The following ASXL2 variants were observed in gnomAD, a reference collection of about 807,000 sequenced individuals.
ASXL2 encodes ASXL transcriptional regulator 2, also known as putative Polycomb group protein ASXL2.
ASXL2 carries 23 observed loss-of-function variants against 122.0 expected under a neutral mutation model. The observed-to-expected ratio is 0.19, with a 90% CI of 0.14 to 0.27. ASXL2 has a LOEUF of 0.27. Among genes scored for constraint, ASXL2 ranks in the 10% least tolerant of loss-of-function variants. The pLI is 1.00. For synonymous variants in ASXL2, 650 were observed against 637.0 expected, an observed-to-expected ratio of 1.02 and a Z score of -0.31; for missense variants, 1,518 against 1,713.8, an observed-to-expected ratio of 0.89 and a Z score of 2.02.
rs914677713 is a variant in ASXL2 at position 25,799,553 on chromosome 2, C to T, written c.253-18G>A. 5.0e-6 allele frequency: 8 copies of T among 1,602,956 alleles called. No homozygotes were observed. The highest frequency in any genetic ancestry group is 6.8e-6 in the Non-Finnish European group (8 of 1,175,450). ...ACATCTTTCTGAAAATGTAGGCATC[C>T]AATTAGGATTAATCATTACCATTTA... On this transcript the variant is annotated intron_variant, in intron 4 of 12. Coordinates refer to ENST00000435504, the MANE Select transcript of ASXL2 (RefSeq NM_018263.6).
At chr2:25,800,893 A>T (rs2088988837) in intron 4 of ASXL2, among the ~76,000 whole-genome samples, 1 of 152,162 alleles carries the variant, frequency 6.6e-6, no homozygotes, top group Non-Finnish European at 1.5e-5. Context: ...ATAAAAATAC[A>T]CATGTATGGC....
chr2:25,863,956 A>C lies in ASXL2; in HGVS notation c.57+14210T>G, dbSNP rs149825950. On this transcript the variant is annotated intron_variant, in intron 1 of 12. Coordinates refer to ENST00000435504, the MANE Select transcript of ASXL2 (RefSeq NM_018263.6). The stretch of plus-strand genomic sequence containing the variant: ...GGGAGGTGGGGGCTGCAGTAAGCTG[A>C]GATCACGCCACTGCACGCCAGCCTG... 9.5e-3 allele frequency among the ~76,000 whole-genome samples: 1,445 copies of C among 151,552 alleles called. 32 individuals carry two copies. The highest frequency in any genetic ancestry group is 0.032 in the African/African-American group (1,330 of 41,218).
chr2:25,790,736 C>T (rs2088817192), intron 5 of ASXL2, among the ~76,000 whole-genome samples: 1 of 150,504 alleles, frequency 6.6e-6, no homozygotes, highest in Non-Finnish European at 1.5e-5. Flanking sequence ...AGTTTATTAA[C>T]TCAGAAACTT....
intron 2 of ASXL2, among the ~76,000 whole-genome samples, chr2:25,840,378 CACATA>C (rs937354352): frequency 2.0e-5 from 3 of 152,110 alleles, no homozygotes; most frequent in African/African-American, 7.2e-5. Flanking sequence ...CGGTAAAACC[CACATA>C]ACATAAAAGT....
Position 25,835,163 on chromosome 2 carries a change from T to C in ASXL2, c.143+375A>G, listed in dbSNP as rs568255575. 5.3e-5 allele frequency among the ~76,000 whole-genome samples: 8 copies of C among 152,220 alleles called. No individual in the cohort carries two copies. The East Asian group carries it at 1.2e-3, about 22-fold the overall frequency. ...TTTATCTAAATTAAGAGCACAAACA[T>C]ACATTTTCAATCTTACAGCCATAAA... On this transcript the variant is annotated intron_variant, in intron 3 of 12. Coordinates refer to ENST00000435504, the MANE Select transcript of ASXL2 (RefSeq NM_018263.6).
At chr2:25,864,678 A>G (rs2089878959) in intron 1 of ASXL2, among the ~76,000 whole-genome samples, 2 of 152,092 alleles carry the variant, frequency 1.3e-5, no homozygotes, top group African/African-American at 4.8e-5. Context: ...TTAAAAAAAA[A>G]AATTCTCAGG....
chr2:25,872,506 C>T (rs1487345559), intron 1 of ASXL2, among the ~76,000 whole-genome samples: 1 of 152,066 alleles, frequency 6.6e-6, no homozygotes, highest in Non-Finnish European at 1.5e-5. Context: ...CTAATAAGGT[C>T]AGAGAACAGA....
At position 25,870,638 on chromosome 2, in the gene ASXL2, C is replaced by T. The variant is rs186151446; in HGVS notation, c.57+7528G>A. On this transcript the variant is annotated intron_variant, in intron 1 of 12. Coordinates refer to ENST00000435504, the MANE Select transcript of ASXL2 (RefSeq NM_018263.6). ...AGTAAGCCGTGATTGAATGCCACTG[C>T]ACTCCAGCCTGAGTGACAGAGCAAG... Among the ~76,000 whole-genome samples the T allele has an allele frequency of 3.9e-5, 6 of 152,252 alleles. No homozygotes were observed. In the East Asian group the frequency reaches 1.2e-3, roughly 29 times the overall value.
chr2:25,773,048 A>G (rs113992406), intron 5 of ASXL2, among the ~76,000 whole-genome samples: 3,001 of 151,898 alleles, frequency 0.02, 46 homozygotes, highest in Non-Finnish European at 0.03. Flanking sequence ...ATCTCTACTA[A>G]AAATACAAAA....
At chr2:25,875,305 T>C (rs1433238407) in intron 1 of ASXL2, among the ~76,000 whole-genome samples, 1 of 151,900 alleles carries the variant, frequency 6.6e-6, no homozygotes, top group African/African-American at 2.4e-5. Context: ...AATCTACTAT[T>C]ATATAATAAT....
At chr2:25,841,390 T>C (rs1218900241) in intron 2 of ASXL2, among the ~76,000 whole-genome samples, 4 of 152,172 alleles carry the variant, frequency 2.6e-5, no homozygotes, top group African/African-American at 4.8e-5. Flanking sequence ...ACCTCATATA[T>C]TCATTAACAA....
intron 5 of ASXL2, among the ~76,000 whole-genome samples, chr2:25,782,419 G>A (rs1192127671): frequency 2.0e-5 from 3 of 151,768 alleles, no homozygotes; most frequent in South Asian, 4.2e-4. Flanking sequence ...GGTGACATGC[G>A]CCTGTAATCC....
rs751958153 is a variant in ASXL2 at position 25,759,541 on chromosome 2, C to T, written c.880G>A (p.Val294Ile). 1 of 1,613,968 alleles carries T rather than the reference C, an allele frequency of 6.2e-7. No individual in the cohort carries two copies. The highest frequency in any genetic ancestry group is 8.5e-7 in the Non-Finnish European group (1 of 1,179,866). ...CGTTGCTGGCAATCTCCAGGAAGGA[C>T]TGAAAATGTGTGCTTGTTGATCAGT... Reference protein sequence around the residue: ...RALINKHTFSVLPGDCQQRLL... With the variant: ...RALINKHTFSILPGDCQQRLL... Residue 294 changes from valine (V) to isoleucine (I), a missense_variant, in exon 9 of 13, where the codon GTC becomes ATC. Val to Ile is a conservative substitution (Grantham distance 29). This residue lies in a region of ASXL2 where 92 missense variants were observed against 156.6 expected (regional missense o/e 0.59). Coordinates refer to ENST00000435504, the MANE Select transcript of ASXL2 (RefSeq NM_018263.6).
Position 25,744,911 on chromosome 2 carries a change from G to A in ASXL2, c.1861-435C>T, listed in dbSNP as rs1188392970. Among the ~76,000 whole-genome samples, 1 of 149,720 alleles carries A rather than the reference G, an allele frequency of 6.7e-6. No individual in the cohort carries two copies. The highest frequency in any genetic ancestry group is 1.5e-5 in the Non-Finnish European group (1 of 67,604). ...CTTAGCTTTACTACCAAGGTCCAGG[G>A]GAAAATACTTGCTCTTCTCTGTTCC... On this transcript the variant is annotated intron_variant, in intron 12 of 12. Transcript: ENST00000435504. This position sits in a 1 kb window ranked among gnomAD's most constrained non-coding sequence, Gnocchi z 4.7.
At chr2:25,792,290 C>T (rs2088847548) in intron 5 of ASXL2, among the ~76,000 whole-genome samples, 1 of 152,216 alleles carries the variant, frequency 6.6e-6, no homozygotes, top group Non-Finnish European at 1.5e-5. Flanking sequence ...GTGTGAGCCA[C>T]CACAGCCTGC....
chr2:25,859,024 G>T (rs2089815625), intron 1 of ASXL2, among the ~76,000 whole-genome samples: 1 of 151,474 alleles, frequency 6.6e-6, no homozygotes, highest in Non-Finnish European at 1.5e-5. Flanking sequence ...ATGTTGGCCA[G>T]GCTGGTCTCA....
Position 25,810,643 on chromosome 2 carries a change from G to A in ASXL2, c.144-4306C>T. 3 of 787,846 alleles carry A rather than the reference G, an allele frequency of 3.8e-6. No homozygotes were observed. In the South Asian group the frequency reaches 4.1e-5, roughly 11 times the overall value. 48.8% of individuals were successfully genotyped at this position (787,846 alleles called of 1,614,324 possible). ...ATTGTGCTTCACTGCCTCAATAGTG[G>A]TGATCCCAGCCATGGTGCCCACCCA... On this transcript the variant is annotated intron_variant, in intron 3 of 12. Transcript: ENST00000435504.
intron 1 of ASXL2, among the ~76,000 whole-genome samples, chr2:25,874,306 T>C (rs1364751583): frequency 4.6e-5 from 7 of 152,082 alleles, no homozygotes; most frequent in Non-Finnish European, 8.8e-5. Flanking sequence ...CTGGGCAACA[T>C]GGCGAAACCC....
intron 11 of ASXL2, 113 bp downstream of exon 11, chr2:25,753,421 C>G (rs991563161): frequency 1.5e-6 from 1 of 656,836 alleles, no homozygotes; most frequent in Non-Finnish European, 2.4e-6. Context: ...CAAAATAAAA[C>G]AAAACAGAAG....
Sources: allele counts gnomAD v4.1 joint callset (sites outside exome capture counted in the v4.1 genomes callset), GRCh38; gene constraint gnomAD v4.1.1; regional missense constraint gnomAD v4.1.1; non-coding constraint Gnocchi (gnomAD v3.1); transcripts MANE v1.5; gene names NCBI Gene and HGNC (gene_info 2026-07-23, HGNC 2026-07-21).